KRT14: variants seen among roughly 807,000 people sequenced by gnomAD.
KRT14 encodes the protein keratin, type I cytoskeletal 14.
Under a neutral mutation model 44.5 loss-of-function variants are expected in KRT14, and 30 were observed. That is an observed-to-expected ratio of 0.67 (90% confidence interval 0.50 to 0.92). The LOEUF is 0.92. Ranked by LOEUF, KRT14 falls within the 40% of genes least tolerant of loss-of-function variation. KRT14 has a pLI of 0.00. For missense variants in KRT14, 535 were observed against 640.6 expected (o/e 0.84, Z 1.78); for synonymous variants, 241 against 257.6 (o/e 0.94, Z 0.62).
intron 7 of KRT14, chr17:41,582,814 T>A: frequency 1.7e-6 from 1 of 601,580 alleles, no homozygotes; most frequent in Non-Finnish European, 3.0e-6. Flanking sequence ...AATGGAGTGG[T>A]CTCAGTGGGA....
In KRT14 at chr17:41,582,399, G is replaced by C. The variant is rs374540857; in HGVS notation, c.*36C>G. 2.7e-6 allele frequency: 4 copies of C among 1,486,780 alleles called. No homozygotes were observed. The East Asian group carries it at 9.8e-5, about 37-fold the overall frequency. The allele number at this position is 1,486,780 out of a possible 1,614,324, so 92.1% of individuals were successfully genotyped here. ...CTTCCAGTGGGATCTGTGTCCACAC[G>C]GGGGGCCTCCTAGGCCTGAGCGGGG... On this transcript the variant is annotated 3_prime_UTR_variant, in exon 8 of 8. Transcript: ENST00000167586.
Position 41,584,392 on chromosome 17 carries a change from C to T in KRT14, c.630G>A (p.Leu210=). ...TGATGTCGGCTTCCACACTCATGCG[C>T]AGGTTCAACTCTGTCTCATACCTGG... The part of the protein sequence containing the change: ...FRTKYETELN[L]RMSVEADING... The change falls in exon 3 of 8, where the codon CTG becomes CTA. Residue 210 remains leucine (L), a synonymous_variant. Coordinates refer to ENST00000167586, the MANE Select transcript of KRT14 (RefSeq NM_000526.5). 1.9e-6 allele frequency: 3 copies of T among 1,614,088 alleles called. No homozygotes were observed. Among genetic ancestry groups the T allele is most frequent in the Non-Finnish European group, 2.5e-6 (3 of 1,180,024 alleles).
chr17:41,585,597 C>T (rs1317169793), intron 1 of KRT14, among the ~76,000 whole-genome samples: 9 of 152,224 alleles, frequency 5.9e-5, no homozygotes, highest in Non-Finnish European at 1.0e-4. Flanking sequence ...GCCCCTGAGT[C>T]TGGTTGGATT....
rs1452295434 is a variant in KRT14 at position 41,583,267 on chromosome 17, G to T, written c.1242C>A (p.Thr414=). Residue 414 remains threonine, a synonymous_variant, in exon 6 of 8, where the codon ACC becomes ACA. Coordinates refer to ENST00000167586, the MANE Select transcript of KRT14 (RefSeq NM_000526.5). ...VKTRLEQEIA[T]YRRLLEGEDA... is the part of the protein sequence containing the mutation. The stretch of plus-strand genomic sequence containing the variant: ...CCTCGCCCTCCAGCAGGCGGCGGTA[G>T]GTGGCGATCTCCTGCTCCAGCCGCG... The T allele has an allele frequency of 6.2e-7, 1 of 1,613,590 alleles. No individual in the cohort carries two copies. Among genetic ancestry groups the T allele is most frequent in the East Asian group, 2.2e-5 (1 of 44,864 alleles).
intron 5 of KRT14, 28 bp from the exon 6 acceptor site, chr17:41,583,483 A>G: frequency 1.2e-6 from 2 of 1,614,102 alleles, no homozygotes; most frequent in Non-Finnish European, 1.7e-6. Context: ...GGAATCAACG[A>G]TTAGTGAGTG....
At chr17:41,585,169 C>G (rs527553359) in intron 1 of KRT14, 112 bp from the exon 2 acceptor site, 16 of 840,234 alleles carry the variant, frequency 1.9e-5, no homozygotes, top group Non-Finnish European at 3.2e-5. Context: ...CCCCCTTTTC[C>G]CCCACAAAAC....
chr17:41,586,352 G>A lies in KRT14; in HGVS notation c.483C>T (p.Asp161=), dbSNP rs199581646. Residue 161 remains aspartate (D), a synonymous_variant, in exon 1 of 8, where the codon GAC becomes GAT. Transcript: ENST00000167586. ...YQRQRPAEIK[D]YSPYFKTIED... is the part of the protein sequence containing the mutation. Reference sequence around the variant, plus strand: ...CAATGGTCTTGAAGTAGGGACTGTAGTCTTTGATCTCAGCAGGCCGCTGCC... The same window carrying A: ...CAATGGTCTTGAAGTAGGGACTGTAATCTTTGATCTCAGCAGGCCGCTGCC... 10 of 1,612,956 alleles carry A rather than the reference G, an allele frequency of 6.2e-6. No individual in the cohort carries two copies. Among genetic ancestry groups the A allele is most frequent in the African/African-American group, 4.0e-5 (3 of 74,990 alleles).
At position 41,585,069 on chromosome 17, in the gene KRT14, A is replaced by G; in HGVS notation, c.526-12T>C. On this transcript the variant is annotated splice_polypyrimidine_tract_variant and intron_variant, in intron 1 of 7. Coordinates refer to ENST00000167586, the MANE Select transcript of KRT14 (RefSeq NM_000526.5). ...GTGGCTGTGAGAATCTGCAGGATGG[A>G]AAAGGCACAGGTAATTTGTCAAATG... 1 of 1,603,854 alleles carries G rather than the reference A, an allele frequency of 6.2e-7. No homozygotes were observed. Among genetic ancestry groups the G allele is most frequent in the Non-Finnish European group, 8.5e-7 (1 of 1,170,914 alleles).
chr17:41,584,440 G>A (rs762435079), intron 2 of KRT14, 27 bp from the exon 3 acceptor site: 6 of 1,613,122 alleles, frequency 3.7e-6, no homozygotes, highest in Middle Eastern at 1.7e-4. Flanking sequence ...GAAAAGGTAT[G>A]AGACACCCAT....
chr17:41,585,994 T>C (rs1301201725), intron 1 of KRT14, among the ~76,000 whole-genome samples: 5 of 152,254 alleles, frequency 3.3e-5, no homozygotes, highest in Non-Finnish European at 7.3e-5. Flanking sequence ...GCCTTGGCTC[T>C]GCCATTAATT....
At chr17:41,582,915 C>T in intron 7 of KRT14, 179 bp downstream of exon 7, 1 of 685,920 alleles carries the variant, frequency 1.5e-6, no homozygotes, top group Non-Finnish European at 2.6e-6. Context: ...TGGGGGCTGC[C>T]TCTCCTAGCC....
At chr17:41,583,484 T>C (rs1304856392) in intron 5 of KRT14, 29 bp from the exon 6 acceptor site, 1 of 1,614,152 alleles carries the variant, frequency 6.2e-7, no homozygotes, top group Non-Finnish European at 8.5e-7. Flanking sequence ...GAATCAACGA[T>C]TAGTGAGTGT....
chr17:41,583,308 G>A lies in KRT14; in HGVS notation c.1201C>T (p.Leu401=). Residue 401 remains leucine (L), a synonymous_variant, in exon 6 of 8, where the codon CTG becomes TTG. Transcript: ENST00000167586. The part of the protein sequence containing the change: ...MEQQNQEYKI[L]LDVKTRLEQE... ...TCCAGCCGCGTCTTCACGTCCAGCA[G>A]GATCTTGTACTCCTGGTTCTGCTGC... 1 of 1,613,728 alleles carries A rather than the reference G, an allele frequency of 6.2e-7. No individual in the cohort carries two copies.
intron 1 of KRT14, among the ~76,000 whole-genome samples, chr17:41,585,569 G>A (rs1444864428): frequency 1.3e-5 from 2 of 152,224 alleles, no homozygotes; most frequent in South Asian, 2.1e-4. Flanking sequence ...CTCAGGGGAA[G>A]AATAAGAAGA....
chr17:41,586,203 G>A, intron 1 of KRT14, 107 bp downstream of exon 1: 1 of 1,423,192 alleles, frequency 7.0e-7, no homozygotes, highest in South Asian at 1.2e-5. Flanking sequence ...GGGATCTGGG[G>A]TGGACTCTGT....
rs1907381548 is a variant in KRT14 at position 41,582,983 on chromosome 17, G to C, written c.1321+111C>G. 2.8e-6 allele frequency: 3 copies of C among 1,057,698 alleles called. No homozygotes were observed. The East Asian group carries it at 7.1e-5, about 25-fold the overall frequency. 65.5% of individuals were successfully genotyped at this position (1,057,698 alleles called of 1,614,324 possible). A position where few individuals can be genotyped will look rare whatever the true frequency, so the allele number is the denominator to read the frequency against. ...CCAAGGAGGTTCACAAGGGAAACTG[G>C]GTGACAGCACTAGAGCTCAGCCCCT... On this transcript the variant is annotated intron_variant, in intron 7 of 7. Coordinates refer to ENST00000167586, the MANE Select transcript of KRT14 (RefSeq NM_000526.5).
At position 41,583,781 on chromosome 17, in the gene KRT14, G is replaced by A. The variant is rs767268664; in HGVS notation, c.906C>T (p.Ala302=). 25 of 1,614,088 alleles carry A rather than the reference G, an allele frequency of 1.5e-5. No homozygotes were observed. The highest frequency in any genetic ancestry group is 4.5e-5 in the East Asian group (2 of 44,898). ...EKMAEKNRKD[A]EEWFFTKTEE... is the part of the protein sequence containing the mutation. ...CCACCTTGGTGAAGAACCATTCCTC[G>A]GCATCCTTGCGGTTCTTCTCTGCCA... is the stretch of plus-strand genomic sequence containing the variant. Residue 302 remains alanine, a synonymous_variant, in exon 4 of 8, where the codon GCC becomes GCT. Transcript: ENST00000167586.
At chr17:41,583,163 G>A (rs776395225) in intron 6 of KRT14, 23 bp from the exon 7 acceptor site, 1 of 1,611,766 alleles carries the variant, frequency 6.2e-7, no homozygotes, top group South Asian at 1.1e-5. Flanking sequence ...AAAAGGACAG[G>A]ATCATTAGAT....
Position 41,586,439 on chromosome 17 carries a change from C to T in KRT14, c.396G>A (p.Lys132=), listed in dbSNP as rs766980334. The change falls in exon 1 of 8, where the codon AAG becomes AAA. Residue 132 remains lysine (K), a synonymous_variant. Coordinates refer to ENST00000167586, the MANE Select transcript of KRT14 (RefSeq NM_000526.5). ...CGTTGGCCTCCTCCAGAGCACGCAC[C>T]TTGTCCAGGTAGGAGGCCAGGCGGT... is the stretch of plus-strand genomic sequence containing the variant. ...LNDRLASYLD[K]VRALEEANAD... 3 of 1,614,188 alleles carry T rather than the reference C, an allele frequency of 1.9e-6. No individual in the cohort carries two copies. Among genetic ancestry groups the T allele is most frequent in the Non-Finnish European group, 2.5e-6 (3 of 1,180,026 alleles).
Sources: gnomAD v4.1 joint callset for allele counts (sites outside exome capture counted in the v4.1 genomes callset) on GRCh38, gnomAD v4.1.1 for gene constraint, MANE v1.5 for transcripts, NCBI Gene and HGNC (gene_info 2026-07-23, HGNC 2026-07-21) for gene names.